TMEM245: variants seen among roughly 807,000 people sequenced by gnomAD.
TMEM245 encodes protein CG-2.
Under a neutral mutation model 101.2 loss-of-function variants are expected in TMEM245, and 69 were observed. The ratio of observed to expected loss-of-function variants is 0.68; its 90% CI spans 0.56 to 0.83. The LOEUF (loss-of-function observed/expected upper bound fraction) is 0.83. Among genes scored for constraint, TMEM245 ranks in the 40% least tolerant of loss-of-function variants. TMEM245 has a pLI of 0.00. For synonymous variants in TMEM245, 537 were observed against 449.8 expected, an observed-to-expected ratio of 1.19 and a Z score of -2.45; for missense variants, 1,075 against 1,092.8, an observed-to-expected ratio of 0.98 and a Z score of 0.23.
At chr9:109,102,687 G>C (rs1830309498) in intron 3 of TMEM245, among the ~76,000 whole-genome samples, 2 of 152,336 alleles carry the variant, frequency 1.3e-5, no homozygotes, top group South Asian at 2.1e-4. Context: ...TAGACAGTGA[G>C]ATTTTGAGTG....
At chr9:109,071,619 A>T (rs1044112811) in intron 9 of TMEM245, among the ~76,000 whole-genome samples, 31 of 151,816 alleles carry the variant, frequency 2.0e-4, no homozygotes, top group African/African-American at 6.5e-4. Flanking sequence ...AAAAAAAAAA[A>T]TTTTATTCTA....
chr9:109,090,448 C>T (rs1259633063), intron 5 of TMEM245, among the ~76,000 whole-genome samples: 1 of 151,916 alleles, frequency 6.6e-6, no homozygotes, highest in Non-Finnish European at 1.5e-5. Context: ...ACTGGCCGGG[C>T]GCGGTGGCTC....
chr9:109,083,665 T>C (rs1564197092), intron 7 of TMEM245, among the ~76,000 whole-genome samples: 1 of 151,688 alleles, frequency 6.6e-6, no homozygotes, highest in Non-Finnish European at 1.5e-5. Context: ...TACTGAGTTT[T>C]TCTTCTCTTT....
intron 12 of TMEM245, among the ~76,000 whole-genome samples, chr9:109,051,340 A>ACACACACACACACAC (rs71372547): frequency 6.9e-6 from 1 of 145,182 alleles, no homozygotes; most frequent in African/African-American, 2.5e-5. Context: ...ACACACACAC[A>ACACACACACACACAC]TCATTGTAGA....
At chr9:109,108,420 TAA>T (rs5899838) in intron 2 of TMEM245, 31 bp downstream of exon 2, 51,009 of 906,760 alleles carry the variant, frequency 0.056, no homozygotes, top group South Asian at 0.074. Context: ...AGGCTAGACT[TAA>T]AAAAAAAAAA....
At chr9:109,043,032 T>C (rs13285627) in intron 14 of TMEM245, among the ~76,000 whole-genome samples, 1 of 152,010 alleles carries the variant, frequency 6.6e-6, no homozygotes, top group Admixed American at 6.6e-5. Context: ...TTATGTGCTG[T>C]GCATATGCAA....
At chr9:109,077,905 T>C (rs1829558219) in intron 8 of TMEM245, among the ~76,000 whole-genome samples, 2 of 152,222 alleles carry the variant, frequency 1.3e-5, no homozygotes, top group Admixed American at 1.3e-4. Context: ...TTGCTTCTCG[T>C]GTAACCTAAG....
intron 12 of TMEM245, among the ~76,000 whole-genome samples, chr9:109,054,204 GCCTGTAGTC>G (rs1359197746): frequency 6.6e-6 from 1 of 152,126 alleles, no homozygotes; most frequent in Non-Finnish European, 1.5e-5. Flanking sequence ...GGTGGTGTAT[GCCTGTAGTC>G]CCAGCTACTC....
intron 1 of TMEM245, among the ~76,000 whole-genome samples, chr9:109,115,194 A>G (rs1056081088): frequency 6.6e-6 from 1 of 151,964 alleles, no homozygotes; most frequent in African/African-American, 2.4e-5. Flanking sequence ...TAAAAATAAC[A>G]CAAAAATTAG....
intron 14 of TMEM245, among the ~76,000 whole-genome samples, chr9:109,047,463 T>A (rs573237090): frequency 5.1e-4 from 77 of 152,274 alleles, no homozygotes; most frequent in African/African-American, 1.7e-3. Flanking sequence ...CCTAACCAGC[T>A]CCTCTTGAAA....
intron 15 of TMEM245, 76 bp from the exon 16 acceptor site, chr9:109,036,456 GCTC>G (rs1828125580): frequency 7.4e-7 from 1 of 1,357,336 alleles, no homozygotes; most frequent in South Asian, 1.7e-5. Flanking sequence ...CTAAGCAGTA[GCTC>G]CTCCTCAACA....
At chr9:109,031,602 C>T (rs1827945620) in intron 17 of TMEM245, among the ~76,000 whole-genome samples, 1 of 152,132 alleles carries the variant, frequency 6.6e-6, no homozygotes, top group Admixed American at 6.5e-5. Context: ...TATCAGCAGG[C>T]AGTGGGGTCT....
intron 1 of TMEM245, among the ~76,000 whole-genome samples, chr9:109,114,038 T>G (rs1830642023): frequency 6.6e-6 from 1 of 152,114 alleles, no homozygotes; most frequent in Non-Finnish European, 1.5e-5. Context: ...AACGCGCCAT[T>G]GCACTCCAGC....
At position 109,087,323 on chromosome 9, in the gene TMEM245, A is replaced by G; in HGVS notation, c.1170T>C (p.Leu390=). 1 of 1,604,560 alleles carries G rather than the reference A, an allele frequency of 6.2e-7. No homozygotes were observed. The change falls in exon 6 of 18, where the codon CTT becomes CTC. Residue 390 remains leucine (L), a synonymous_variant. Coordinates refer to ENST00000374586, the MANE Select transcript of TMEM245 (RefSeq NM_032012.4). ...VPIAVWILKK[L]VIHFGVVDFL... Reference sequence around the variant, plus strand: ...AATCCACAACTCCAAAGTGAATGACAAGCTTTTTGAGTATCCAGACTAAAA... The same window carrying G: ...AATCCACAACTCCAAAGTGAATGACGAGCTTTTTGAGTATCCAGACTAAAA...
intron 7 of TMEM245, among the ~76,000 whole-genome samples, chr9:109,082,620 T>C (rs1442665266): frequency 6.6e-6 from 1 of 150,514 alleles, no homozygotes; most frequent in East Asian, 2.0e-4. Context: ...ATCCACAAAT[T>C]ACAATTTCTG....
At chr9:109,085,458 G>A (rs1164479700) in intron 7 of TMEM245, among the ~76,000 whole-genome samples, 3 of 152,070 alleles carry the variant, frequency 2.0e-5, no homozygotes, top group African/African-American at 7.2e-5. Context: ...CACAAAATTC[G>A]ATGTCACAGG....
chr9:109,038,199 C>G, intron 14 of TMEM245, 82 bp from the exon 15 acceptor site: 1 of 1,008,420 alleles, frequency 9.9e-7, no homozygotes, highest in Non-Finnish European at 1.5e-6. Flanking sequence ...CCACTTGATT[C>G]CAAATCATGT....
chr9:109,078,942 G>C (rs1829594700), intron 8 of TMEM245, among the ~76,000 whole-genome samples: 1 of 152,058 alleles, frequency 6.6e-6, no homozygotes, highest in African/African-American at 2.4e-5. Context: ...TCTCCAATTG[G>C]ACTTGACACC....
At chr9:109,022,889 A>G (rs1827673222) in intron 17 of TMEM245, among the ~76,000 whole-genome samples, 1 of 152,202 alleles carries the variant, frequency 6.6e-6, no homozygotes, top group Non-Finnish European at 1.5e-5. Flanking sequence ...TTTCTCAGAT[A>G]CCTGTAATTT....
Sources: allele counts gnomAD v4.1 joint callset (sites outside exome capture counted in the v4.1 genomes callset), GRCh38; gene constraint gnomAD v4.1.1; transcripts MANE v1.5; gene names NCBI Gene and HGNC (gene_info 2026-07-23, HGNC 2026-07-21).